Variants in PDE10A observed in about 807,000 individuals in gnomAD.
PDE10A encodes the protein phosphodiesterase 10A.
A neutral mutation model predicts 97.7 loss-of-function variants in PDE10A; 39 were observed. That is an observed-to-expected ratio of 0.40 (90% CI 0.31 to 0.52). PDE10A has a LOEUF of 0.52. Among genes scored for constraint, PDE10A ranks in the 20% least tolerant of loss-of-function variants. PDE10A has a pLI of 0.56. For missense variants in PDE10A, 731 were observed against 1,047.8 expected (o/e 0.70, Z 4.17); for synonymous variants, 371 against 376.8 (o/e 0.98, Z 0.18).
In PDE10A at chr6:165,655,534, C is replaced by T. The variant is rs973136708; in HGVS notation, c.865+6413G>A. 2.0e-5 allele frequency among the ~76,000 whole-genome samples: 3 copies of T among 152,046 alleles called. No individual in the cohort carries two copies. Among genetic ancestry groups the T allele is most frequent in the Admixed American group, 2.0e-4 (3 of 15,268 alleles). On this transcript the variant is annotated intron_variant, in intron 1 of 21. Transcript: ENST00000539869. The surrounding 1 kb of genome is among the most constrained non-coding windows in gnomAD (Gnocchi z 4.5). Reference sequence around the variant, plus strand: ...CACCTGCAGGTCTTATACACGCCACCTCCAAACACCTCCTGAACCACCGCG... The same window carrying T: ...CACCTGCAGGTCTTATACACGCCACTTCCAAACACCTCCTGAACCACCGCG...
In PDE10A at chr6:165,448,957, C is replaced by T; in HGVS notation, c.1165G>A (p.Ala389Thr). The change falls in exon 5 of 22, where the codon GCA becomes ACA. Residue 389 changes from alanine to threonine, a missense_variant. Transcript: ENST00000539869. The stretch of plus-strand genomic sequence containing the variant: ...TTGCACTCTCCAAGGAAATACAGTG[C>T]AAATCCATCGGCTTTTGTGGCTGCC... The part of the protein sequence containing the change: ...IKIATKADGF[A>T]LYFLGECNNS... The T allele has an allele frequency of 2.5e-6, 4 of 1,612,802 alleles. No individual in the cohort carries two copies. Among genetic ancestry groups the T allele is most frequent in the Non-Finnish European group, 3.4e-6 (4 of 1,179,030 alleles).
intron 1 of PDE10A, among the ~76,000 whole-genome samples, chr6:165,786,943 T>C (rs1359418341): frequency 6.6e-6 from 1 of 152,234 alleles, no homozygotes; most frequent in African/African-American, 2.4e-5. Context: ...AATTATTCTA[T>C]AGTTTAAATT....
chr6:165,960,286 G>T (rs1360101242), intron 1 of PDE10A, among the ~76,000 whole-genome samples: 4 of 152,202 alleles, frequency 2.6e-5, no homozygotes, highest in Non-Finnish European at 5.9e-5. Context: ...TTGTTACAAA[G>T]GAATTTTCCT....
intron 1 of PDE10A, among the ~76,000 whole-genome samples, chr6:165,653,344 G>A (rs1370943887): frequency 2.0e-5 from 3 of 152,186 alleles, no homozygotes; most frequent in African/African-American, 4.8e-5. Context: ...ACAACTGTAA[G>A]CACCAGCAAG....
At chr6:165,716,567 G>A (rs887777934) in intron 1 of PDE10A, among the ~76,000 whole-genome samples, 1 of 152,222 alleles carries the variant, frequency 6.6e-6, no homozygotes, top group African/African-American at 2.4e-5. Flanking sequence ...CTGGAGAAAC[G>A]AGCCTGTTTG....
intron 1 of PDE10A, among the ~76,000 whole-genome samples, chr6:165,795,538 C>CTGTT (rs2128464478): frequency 6.6e-6 from 1 of 152,100 alleles, no homozygotes; most frequent in African/African-American, 2.4e-5. Flanking sequence ...TCAGCCTGGC[C>CTGTT]AACATGGTGA....
chr6:165,440,247 T>C (rs2128242825), intron 5 of PDE10A, among the ~76,000 whole-genome samples: 1 of 152,364 alleles, frequency 6.6e-6, no homozygotes, highest in East Asian at 1.9e-4. Context: ...TGAAGTTCAC[T>C]GTGCACTTGA....
chr6:165,582,433 T>C (rs557393785), intron 1 of PDE10A, among the ~76,000 whole-genome samples: 1 of 152,328 alleles, frequency 6.6e-6, no homozygotes, highest in South Asian at 2.1e-4. Flanking sequence ...GGACTGTATT[T>C]CAAATTAAGT....
At chr6:165,596,686 T>C (rs1786616373) in intron 1 of PDE10A, among the ~76,000 whole-genome samples, 1 of 152,108 alleles carries the variant, frequency 6.6e-6, no homozygotes, top group Non-Finnish European at 1.5e-5. Flanking sequence ...GCCATGATTG[T>C]ACCACTGCAC....
chr6:165,938,432 A>T (rs991447810), intron 1 of PDE10A, among the ~76,000 whole-genome samples: 1 of 152,244 alleles, frequency 6.6e-6, no homozygotes, highest in African/African-American at 2.4e-5. Context: ...CATGTTATAC[A>T]TGCAATTTTT....
In PDE10A at chr6:165,377,305, G is replaced by GCCT. The variant is rs1329938754; in HGVS notation, c.2783+1886_2783+1888dup. Among the ~76,000 whole-genome samples, 3 of 152,096 alleles carry GCCT rather than the reference G, an allele frequency of 2.0e-5. No individual in the cohort carries two copies. The East Asian group carries it at 5.8e-4, about 29-fold the overall frequency. On this transcript the variant is annotated intron_variant, in intron 18 of 21. Coordinates refer to ENST00000539869, the MANE Select transcript of PDE10A (RefSeq NM_001385079.1). Reference sequence around the variant, plus strand: ...TACCTTTGAAAAATCATAGAAAAATGCCTAAGATGACATTACAGGAAATAG... The same window carrying GCCT: ...TACCTTTGAAAAATCATAGAAAAATGCCTCCTAAGATGACATTACAGGAAATAG...
rs77196738 is a variant in PDE10A at position 165,826,636 on chromosome 6, C to T, written c.-615+160893G>A. Among the ~76,000 whole-genome samples the T allele has an allele frequency of 3.1e-3, 469 of 152,200 alleles. 3 individuals carry two copies. Among genetic ancestry groups the T allele is most frequent in the African/African-American group, 0.01 (436 of 41,532 alleles). On this transcript the variant is annotated intron_variant, in intron 1 of 19. Coordinates refer to the PDE10A transcript ENST00000366882. ...TTCTGCTGGAACCATAGGGGTGGTG[C>T]GGGGGAGGCCGAGGTACCCCCGTGT...
chr6:165,473,623 G>C (rs575153515), intron 3 of PDE10A, among the ~76,000 whole-genome samples: 4 of 76,560 alleles, frequency 5.2e-5, no homozygotes, highest in Middle Eastern at 5.1e-3. Flanking sequence ...CAATTAAGTG[G>C]AGAGAAAAAA....
intron 3 of PDE10A, among the ~76,000 whole-genome samples, chr6:165,460,123 T>C (rs1778232122): frequency 1.3e-5 from 2 of 152,282 alleles, no homozygotes; most frequent in East Asian, 1.9e-4. Context: ...CCACAGCCGG[T>C]AGTGCCGCAG....
intron 3 of PDE10A, among the ~76,000 whole-genome samples, chr6:165,471,914 C>G (rs1383181950): frequency 6.6e-6 from 1 of 152,130 alleles, no homozygotes; most frequent in Non-Finnish European, 1.5e-5. Context: ...GCTAATAAAA[C>G]TAGTTAACAG....
chr6:165,622,273 A>T (rs1442574850), intron 1 of PDE10A, among the ~76,000 whole-genome samples: 3 of 148,838 alleles, frequency 2.0e-5, no homozygotes, highest in African/African-American at 4.9e-5. Context: ...TGTGTTTGTG[A>T]GTGTGTGTGT....
intron 1 of PDE10A, chr6:165,545,152 G>A (rs2128324848): frequency 2.0e-6 from 1 of 493,588 alleles, no homozygotes; most frequent in East Asian, 5.8e-5. Flanking sequence ...ATTTCTTTCT[G>A]CCACTCCCAT....
rs138663474 is a variant in PDE10A at position 165,861,978 on chromosome 6, C to T, written c.-615+125551G>A. Among the ~76,000 whole-genome samples the T allele has an allele frequency of 1.4e-3, 211 of 152,298 alleles. 1 individual carries two copies. The highest frequency in any genetic ancestry group is 3.1e-3 in the Admixed American group (47 of 15,308). ...CTTAGGAAAGACTCCCCAAAGCTTC[C>T]ATGTGGTGTGACCCACATGCAGTGC... On this transcript the variant is annotated intron_variant, in intron 1 of 19. Coordinates refer to the PDE10A transcript ENST00000366882.
At chr6:165,935,080 C>T (rs1468641986) in intron 1 of PDE10A, among the ~76,000 whole-genome samples, 2 of 152,100 alleles carry the variant, frequency 1.3e-5, no homozygotes, top group African/African-American at 2.4e-5. Context: ...CAGTCTAGTG[C>T]TGGGTATAGA....
Sources: gnomAD v4.1 joint callset for allele counts (sites outside exome capture counted in the v4.1 genomes callset) on GRCh38, gnomAD v4.1.1 for gene constraint, Gnocchi (gnomAD v3.1) non-coding constraint, MANE v1.5 for transcripts, NCBI Gene and HGNC (gene_info 2026-07-23, HGNC 2026-07-21) for gene names.